Variants in CEP170 observed in about 807,000 individuals in gnomAD.
CEP170 encodes the protein centrosomal protein of 170 kDa.
In CEP170, 21 loss-of-function variants were observed where a neutral mutation model predicts 151.9. That is an observed-to-expected ratio of 0.14 (90% confidence interval 0.10 to 0.20). The LOEUF is 0.20. CEP170 is among the 10% of genes least tolerant of loss of function. The pLI, the probability that CEP170 is intolerant of heterozygous loss-of-function variation, is 1.00. For missense variants in CEP170, 964 were observed against 1,892.9 expected (o/e 0.51, Z 9.11); for synonymous variants, 356 against 648.8 (o/e 0.55, Z 6.86).
intron 17 of CEP170, among the ~76,000 whole-genome samples, chr1:243,134,760 C>G (rs2054843336): frequency 1.3e-5 from 2 of 151,464 alleles, no homozygotes; most frequent in South Asian, 4.2e-4. Context: ...TCCCAAAGTG[C>G]TAGGATTACC....
intron 3 of CEP170, 110 bp from the exon 4 acceptor site, chr1:243,212,074 C>T (rs1481672659): frequency 8.7e-7 from 1 of 1,147,236 alleles, no homozygotes; most frequent in East Asian, 2.9e-5. Context: ...CATACGGTGG[C>T]TAATACAGCC....
rs372099276 is a variant in CEP170 at position 243,189,853 on chromosome 1, C to T, written c.1108+1165G>A. On this transcript the variant is annotated intron_variant, in intron 8 of 19. Transcript: ENST00000366542. Reference sequence around the variant, plus strand: ...CTACAGAAACAAAATGTCTCAATTACGTATTGTCTAGAAGTAAAATGTCAC... The same window carrying T: ...CTACAGAAACAAAATGTCTCAATTATGTATTGTCTAGAAGTAAAATGTCAC... 1.1e-3 allele frequency among the ~76,000 whole-genome samples: 170 copies of T among 152,196 alleles called. 2 individuals are homozygous for T. In the South Asian group the frequency reaches 0.012, roughly 10 times the overall value.
intron 14 of CEP170, among the ~76,000 whole-genome samples, chr1:243,144,827 A>C (rs1403093626): frequency 6.6e-6 from 1 of 152,222 alleles, no homozygotes; most frequent in Non-Finnish European, 1.5e-5. Flanking sequence ...AATATGGATA[A>C]GAAAATAGTG....
chr1:243,189,527 G>C (rs1215683828), intron 8 of CEP170, among the ~76,000 whole-genome samples: 1 of 145,504 alleles, frequency 6.9e-6, no homozygotes, highest in Admixed American at 7.0e-5. Flanking sequence ...CTGCACTCCA[G>C]CCTGAGTGAC....
At chr1:243,153,503 C>T (rs1252286815) in intron 14 of CEP170, among the ~76,000 whole-genome samples, 2 of 152,208 alleles carry the variant, frequency 1.3e-5, no homozygotes, top group Non-Finnish European at 2.9e-5. Flanking sequence ...GAAATCGCCA[C>T]AGTCATCCCA....
intron 17 of CEP170, among the ~76,000 whole-genome samples, chr1:243,135,136 G>T (rs1480755468): frequency 1.3e-5 from 2 of 152,042 alleles, no homozygotes; most frequent in Non-Finnish European, 2.9e-5. Context: ...TTAACATAAG[G>T]AATTTTAAAT....
intron 1 of CEP170, among the ~76,000 whole-genome samples, chr1:243,228,741 A>G (rs1015519444): frequency 6.6e-6 from 1 of 152,238 alleles, no homozygotes; most frequent in African/African-American, 2.4e-5. Context: ...AATATAGCAA[A>G]GTCCCAGAGT....
rs758961490 is a variant in CEP170, at chr1:243,139,925, T to C, written c.4230+12A>G. 1.5e-5 allele frequency: 24 copies of C among 1,606,320 alleles called. No individual in the cohort carries two copies. The highest frequency in any genetic ancestry group is 1.7e-4 in the Middle Eastern group (1 of 6,042). On this transcript the variant is annotated intron_variant, in intron 16 of 19. Coordinates refer to ENST00000366542, the MANE Select transcript of CEP170 (RefSeq NM_014812.3). ...TGCTTCTGCCACATGTTAAAATTTA[T>C]AGTTTACTTACTTCATCCCTGCTCC... is the stretch of plus-strand genomic sequence containing the variant.
At chr1:243,196,407 A>T (rs1013828870) in intron 7 of CEP170, among the ~76,000 whole-genome samples, 3 of 152,094 alleles carry the variant, frequency 2.0e-5, no homozygotes, top group Non-Finnish European at 4.4e-5. Flanking sequence ...TATTGCTGTG[A>T]TGATTAAATA....
intron 15 of CEP170, among the ~76,000 whole-genome samples, chr1:243,141,412 T>G (rs557744528): frequency 6.6e-6 from 1 of 152,224 alleles, no homozygotes; most frequent in African/African-American, 2.4e-5. Flanking sequence ...ATACCAAAAT[T>G]TGAATTTCAT....
At chr1:243,226,104 CGT>C (rs1265405613) in intron 1 of CEP170, among the ~76,000 whole-genome samples, 1 of 121,456 alleles carries the variant, frequency 8.2e-6, no homozygotes, top group Non-Finnish European at 1.6e-5. Context: ...TATATATACA[CGT>C]ATATATATGT....
intron 14 of CEP170, among the ~76,000 whole-genome samples, chr1:243,153,504 A>G (rs1251258654): frequency 6.6e-6 from 1 of 152,234 alleles, no homozygotes; most frequent in African/African-American, 2.4e-5. Context: ...AAATCGCCAC[A>G]GTCATCCCAG....
chr1:243,162,602 GT>G (rs2058153415), intron 13 of CEP170, among the ~76,000 whole-genome samples: 1 of 152,150 alleles, frequency 6.6e-6, no homozygotes, highest in Non-Finnish European at 1.5e-5. Flanking sequence ...TCTTACAGTT[GT>G]TTCTTAGACT....
intron 13 of CEP170, 141 bp downstream of exon 13, chr1:243,164,143 C>T (rs911567424): frequency 3.0e-4 from 338 of 1,116,598 alleles, no homozygotes; most frequent in Admixed American, 1.8e-3. Context: ...CCCCCACCGC[C>T]GCTGCCCCGT....
At chr1:243,248,068 G>C (rs930975751) in intron 1 of CEP170, among the ~76,000 whole-genome samples, 8 of 152,232 alleles carry the variant, frequency 5.3e-5, no homozygotes, top group Non-Finnish European at 1.0e-4. Context: ...CTCTTTATGA[G>C]TAAAACTTTG....
chr1:243,206,065 A>G (rs1321053816), intron 4 of CEP170, among the ~76,000 whole-genome samples: 3 of 152,192 alleles, frequency 2.0e-5, no homozygotes, highest in Non-Finnish European at 4.4e-5. Flanking sequence ...ATGTGAGAAT[A>G]CAGTGGAGCA....
At chr1:243,230,351 C>A (rs966522304) in intron 1 of CEP170, among the ~76,000 whole-genome samples, 1 of 151,652 alleles carries the variant, frequency 6.6e-6, no homozygotes, top group African/African-American at 2.4e-5. Flanking sequence ...TCTCAAAAAC[C>A]AAAAAATAAC....
intron 17 of CEP170, among the ~76,000 whole-genome samples, chr1:243,134,536 T>C (rs1382788866): frequency 6.6e-6 from 1 of 152,156 alleles, no homozygotes; most frequent in Non-Finnish European, 1.5e-5. Flanking sequence ...CTTGCTCTGT[T>C]GCCCAGGCTG....
chr1:243,207,893 G>A (rs1469457826), intron 4 of CEP170, among the ~76,000 whole-genome samples: 2 of 151,710 alleles, frequency 1.3e-5, no homozygotes, highest in East Asian at 1.9e-4. Flanking sequence ...AATGACCTCA[G>A]CTCCTACCTA....
Sources: allele counts gnomAD v4.1 joint callset (sites outside exome capture counted in the v4.1 genomes callset), GRCh38; gene constraint gnomAD v4.1.1; transcripts MANE v1.5; gene names NCBI Gene and HGNC (gene_info 2026-07-23, HGNC 2026-07-21).